RIMS2: variants seen among roughly 807,000 people sequenced by gnomAD.
The protein encoded by RIMS2 is regulating synaptic membrane exocytosis 2.
Under a neutral mutation model 174.4 loss-of-function variants are expected in RIMS2, and 59 were observed. The observed-to-expected ratio is 0.34, with a 90% CI of 0.27 to 0.42. The LOEUF (loss-of-function observed/expected upper bound fraction) is 0.42. Among genes scored for constraint, RIMS2 ranks in the 10% least tolerant of loss-of-function variants. RIMS2 has a pLI of 1.00. For missense variants in RIMS2, 1,620 were observed against 1,666.3 expected (o/e 0.97, Z 0.48); for synonymous variants, 606 against 572.5 (o/e 1.06, Z -0.84).
chr8:103,538,168 A>T (rs375977887), intron 1 of RIMS2, among the ~76,000 whole-genome samples: 1 of 152,258 alleles, frequency 6.6e-6, no homozygotes, highest in South Asian at 2.1e-4. Flanking sequence ...GATAGAAACC[A>T]ACAAAGACCC....
At chr8:103,744,945 T>C (rs184621714) in intron 2 of RIMS2, among the ~76,000 whole-genome samples, 1 of 152,330 alleles carries the variant, frequency 6.6e-6, no homozygotes, top group African/African-American at 2.4e-5. Context: ...AGGATCTGCT[T>C]GTAGAAAAGC....
chr8:103,885,469 T>C lies in RIMS2; in HGVS notation c.870T>C (p.His290=), dbSNP rs761796354. The change falls in exon 4 of 24, where the codon CAT becomes CAC. Residue 290 remains histidine (H), a synonymous_variant. Transcript: ENST00000504942. ...CTCAGTTTTATGAAGACTCTGATCA[T>C]TTAAGTTATAGGGACTCCAACAGGA... 2.5e-6 allele frequency: 4 copies of C among 1,612,560 alleles called. No homozygotes were observed. In the Admixed American group the frequency reaches 6.7e-5, roughly 27 times the overall value.
chr8:103,746,565 G>A (rs539147531), intron 2 of RIMS2, among the ~76,000 whole-genome samples: 9 of 152,074 alleles, frequency 5.9e-5, no homozygotes, highest in Non-Finnish European at 1.0e-4. Context: ...ATTAAGCCTA[G>A]TATCCATTAG....
At chr8:103,834,122 G>A (rs1300225995) in intron 3 of RIMS2, among the ~76,000 whole-genome samples, 3 of 151,978 alleles carry the variant, frequency 2.0e-5, no homozygotes, top group Admixed American at 6.6e-5. Flanking sequence ...TGATCATCCC[G>A]CCTCAGCTTT....
At chr8:104,219,831 A>G (rs2099147408) in intron 19 of RIMS2, among the ~76,000 whole-genome samples, 1 of 152,172 alleles carries the variant, frequency 6.6e-6, no homozygotes, top group African/African-American at 2.4e-5. Context: ...ATCCAAAACT[A>G]CATATACTAC....
chr8:104,080,952 A>G (rs771196970), intron 19 of RIMS2, among the ~76,000 whole-genome samples: 27 of 152,060 alleles, frequency 1.8e-4, no homozygotes, highest in Non-Finnish European at 3.7e-4. Context: ...AGAGAGTGGA[A>G]ACATCTCTAT....
At chr8:103,607,704 T>C (rs1264766074) in intron 1 of RIMS2, among the ~76,000 whole-genome samples, 27 of 136,498 alleles carry the variant, frequency 2.0e-4, no homozygotes, top group African/African-American at 7.5e-4. Flanking sequence ...TCATTTCTTT[T>C]TATTCTTTTT....
At chr8:104,252,003 T>C (rs572484301), downstream of RIMS2, 64 of 598,760 alleles carry the variant, frequency 1.1e-4, no homozygotes, top group Non-Finnish European at 1.8e-4. Context: ...AAGAAGGCCC[T>C]CAGGTGAAAG....
At chr8:103,955,545 C>G (rs1490063039) in intron 14 of RIMS2, among the ~76,000 whole-genome samples, 3 of 152,148 alleles carry the variant, frequency 2.0e-5, no homozygotes, top group Admixed American at 6.5e-5. Flanking sequence ...AAACAAAATT[C>G]AACACCCCTT....
At chr8:103,624,675 CACAA>C (rs1297260991) in intron 1 of RIMS2, among the ~76,000 whole-genome samples, 28 of 152,092 alleles carry the variant, frequency 1.8e-4, no homozygotes, top group Admixed American at 1.8e-3. Flanking sequence ...CTATTTAATA[CACAA>C]ACATTTTTAT....
intron 19 of RIMS2, among the ~76,000 whole-genome samples, chr8:104,232,317 T>A (rs185207685): frequency 6.6e-6 from 1 of 152,336 alleles, no homozygotes; most frequent in East Asian, 1.9e-4. Flanking sequence ...ATGTTATGCA[T>A]TCTTTGTGCT....
intron 3 of RIMS2, among the ~76,000 whole-genome samples, chr8:103,841,913 C>T (rs2098941943): frequency 6.6e-6 from 1 of 151,896 alleles, no homozygotes; most frequent in African/African-American, 2.4e-5. Flanking sequence ...CAAGATCCTG[C>T]CACTGCACTC....
intron 19 of RIMS2, among the ~76,000 whole-genome samples, chr8:104,242,042 G>A (rs2099302070): frequency 6.6e-6 from 1 of 152,158 alleles, no homozygotes; most frequent in Non-Finnish European, 1.5e-5. Context: ...TTACAGGTGT[G>A]AGCCATCATG....
intron 2 of RIMS2, among the ~76,000 whole-genome samples, chr8:103,752,127 A>G (rs931444067): frequency 1.1e-4 from 16 of 152,132 alleles, no homozygotes; most frequent in Non-Finnish European, 2.1e-4. Context: ...TGATTTTTGT[A>G]TAAGGTGTAA....
chr8:103,896,022 C>T (rs771018485), intron 4 of RIMS2, among the ~76,000 whole-genome samples: 3 of 151,536 alleles, frequency 2.0e-5, no homozygotes, highest in Non-Finnish European at 4.4e-5. Flanking sequence ...TACTTTCTAC[C>T]GTGCTCTCTC....
intron 1 of RIMS2, among the ~76,000 whole-genome samples, chr8:103,602,195 G>A (rs1157045582): frequency 6.6e-6 from 1 of 152,014 alleles, no homozygotes; most frequent in East Asian, 1.9e-4. Context: ...CACCATGTTA[G>A]CCAGGATGGT....
chr8:103,623,577 C>A (rs973579788), intron 1 of RIMS2, among the ~76,000 whole-genome samples: 1 of 146,198 alleles, frequency 6.8e-6, no homozygotes, highest in African/African-American at 2.5e-5. Context: ...CTCCGCCTCC[C>A]GGGTTCACGC....
At chr8:104,057,946 A>AT (rs1470058946) in intron 19 of RIMS2, among the ~76,000 whole-genome samples, 2 of 151,882 alleles carry the variant, frequency 1.3e-5, no homozygotes, top group South Asian at 2.1e-4. Context: ...TATGTGCCAC[A>AT]TTTTTTTAAT....
intron 15 of RIMS2, among the ~76,000 whole-genome samples, chr8:103,963,530 C>A (rs556917651): frequency 6.6e-5 from 10 of 152,080 alleles, no homozygotes; most frequent in Non-Finnish European, 1.5e-4. Flanking sequence ...GTAATATTTT[C>A]TATGTGTTTT....
Sources: allele counts gnomAD v4.1 joint callset (sites outside exome capture counted in the v4.1 genomes callset), GRCh38; gene constraint gnomAD v4.1.1; transcripts MANE v1.5; gene names NCBI Gene and HGNC (gene_info 2026-07-23, HGNC 2026-07-21).